ENTPD3: variants seen among roughly 807,000 people sequenced by gnomAD.
ENTPD3 encodes the protein CD39 antigen-like 3.
A neutral mutation model predicts 51.2 loss-of-function variants in ENTPD3; 60 were observed. The ratio of observed to expected loss-of-function variants is 1.17; its 90% CI spans 0.95 to 1.45. The LOEUF (loss-of-function observed/expected upper bound fraction) is 1.45, where lower values mean the gene tolerates loss of function less well. Ranked by LOEUF, ENTPD3 falls within the 40% of genes most tolerant of loss-of-function variation. ENTPD3 has a pLI of 0.00. For synonymous variants in ENTPD3, 221 were observed against 238.4 expected (o/e 0.93, Z 0.67); for missense variants, 593 against 641.1 (o/e 0.93, Z 0.81).
chr3:40,426,140 G>A (rs1325007838), intron 10 of ENTPD3, among the ~76,000 whole-genome samples: 1 of 123,836 alleles, frequency 8.1e-6, no homozygotes, highest in Non-Finnish European at 1.6e-5. Context: ...ACGGAGTCTC[G>A]CTCTGTCGCC....
rs768008793 is a variant in ENTPD3, at chr3:40,392,124, C to T, written c.142C>T (p.Gln48Ter). ...VSITVIQIHK[Q>*]EVLPPGLKYG... ...TATCACTGTCATCCAGATCCACAAG[C>T]AAGAGGTCCTCCCTCCAGGACTGAA... is the stretch of plus-strand genomic sequence containing the variant. The change falls in exon 3 of 11, where the codon CAA becomes TAA. Residue 48 changes from glutamine (Q) to a stop codon, truncating the protein, a stop_gained. Coordinates refer to ENST00000301825, the MANE Select transcript of ENTPD3 (RefSeq NM_001248.4). LOFTEE classifies it high-confidence loss of function. The T allele has an allele frequency of 6.2e-7, 1 of 1,614,036 alleles. No individual in the cohort carries two copies. Among genetic ancestry groups the T allele is most frequent in the South Asian group, 1.1e-5 (1 of 91,068 alleles).
intron 3 of ENTPD3, among the ~76,000 whole-genome samples, chr3:40,395,933 T>C (rs910413418): frequency 1.3e-5 from 2 of 152,304 alleles, no homozygotes; most frequent in South Asian, 2.1e-4. Flanking sequence ...GGCAAATAGC[T>C]TCCCATAGTT....
At chr3:40,416,734 C>T (rs913019231) in intron 7 of ENTPD3, among the ~76,000 whole-genome samples, 1 of 152,266 alleles carries the variant, frequency 6.6e-6, no homozygotes, top group South Asian at 2.1e-4. Context: ...GACCCAAACA[C>T]CAGTGCTCAG....
intron 4 of ENTPD3, among the ~76,000 whole-genome samples, chr3:40,404,760 A>C (rs1955452925): frequency 6.6e-6 from 1 of 152,116 alleles, no homozygotes; most frequent in Non-Finnish European, 1.5e-5. Context: ...TCCAAGGATA[A>C]TTTGGGTTTC....
At chr3:40,422,792 A>G in intron 7 of ENTPD3, 58 bp from the exon 8 acceptor site, 1 of 1,481,258 alleles carries the variant, frequency 6.8e-7, no homozygotes, top group South Asian at 1.3e-5. Context: ...AGTCTTTGCT[A>G]TTGTGAATAG....
chr3:40,399,789 T>G (rs1037516), intron 3 of ENTPD3, among the ~76,000 whole-genome samples: 17,560 of 152,140 alleles, frequency 0.12, 2,621 homozygotes, highest in African/African-American at 0.34. Flanking sequence ...GACAAATTGG[T>G]CCAGGACTCT....
At position 40,387,211 on chromosome 3, in the gene ENTPD3, G is replaced by C. The variant is rs769256486; in HGVS notation, c.-63G>C. The C allele has an allele frequency of 4.6e-5, 7 of 152,370 alleles. No individual in the cohort carries two copies. Among genetic ancestry groups the C allele is most frequent in the Non-Finnish European group, 1.0e-4 (7 of 68,166 alleles). The allele number at this position is 152,370 out of a possible 1,614,324, so 9.4% of individuals were successfully genotyped here. ...TGACACCTCCTTAGCGCTGGCCGCG[G>C]GCCGCCTCTGCGGCAGCGCTAGTCG... On this transcript the variant is annotated 5_prime_UTR_variant, in exon 1 of 11. Coordinates refer to ENST00000301825, the MANE Select transcript of ENTPD3 (RefSeq NM_001248.4).
intron 10 of ENTPD3, among the ~76,000 whole-genome samples, chr3:40,426,962 C>T: frequency 6.6e-6 from 1 of 152,194 alleles, no homozygotes; most frequent in Non-Finnish European, 1.5e-5. Flanking sequence ...CTTTCTCTAG[C>T]CACAAACACT....
Position 40,422,880 on chromosome 3 carries a change from C to T in ENTPD3, c.862C>T (p.Pro288Ser), listed in dbSNP as rs1364591579. 6.2e-7 allele frequency: 1 copy of T among 1,613,456 alleles called. No individual in the cohort carries two copies. Among genetic ancestry groups the T allele is most frequent in the East Asian group, 2.2e-5 (1 of 44,862 alleles). ...NSPTKNHLTN[P>S]CYPRDYSISF... ...TCCTACCAAAAACCATCTCACCAAT[C>T]CCTGTTACCCTCGGGATTATAGCAT... Residue 288 changes from proline (P) to serine (S), a missense_variant, in exon 8 of 11, where the codon CCC (proline) becomes TCC (serine). By Grantham distance (74) the Pro-to-Ser change is moderately conservative. Transcript: ENST00000301825.
chr3:40,401,109 C>A, intron 4 of ENTPD3, 98 bp downstream of exon 4: 1 of 871,978 alleles, frequency 1.1e-6, no homozygotes, highest in Non-Finnish European at 1.9e-6. Context: ...TGCTTGGAGG[C>A]AGGGAATGAG....
At chr3:40,398,947 G>A (rs896428363) in intron 3 of ENTPD3, among the ~76,000 whole-genome samples, 12 of 152,256 alleles carry the variant, frequency 7.9e-5, no homozygotes, top group Admixed American at 6.5e-4. Context: ...GGCCAGATGC[G>A]GTAGCTCATC....
At chr3:40,395,654 C>T (rs966198238) in intron 3 of ENTPD3, among the ~76,000 whole-genome samples, 1 of 152,174 alleles carries the variant, frequency 6.6e-6, no homozygotes, top group African/African-American at 2.4e-5. Flanking sequence ...CCAGATATCC[C>T]AGTCAAGGGC....
intron 7 of ENTPD3, among the ~76,000 whole-genome samples, chr3:40,419,747 A>C (rs912343700): frequency 2.0e-4 from 30 of 152,028 alleles, no homozygotes; most frequent in African/African-American, 7.0e-4. Flanking sequence ...CTTTGTGTAT[A>C]TTTTTTAAGC....
chr3:40,401,097 G>A, intron 4 of ENTPD3, 86 bp downstream of exon 4: 1 of 958,912 alleles, frequency 1.0e-6, no homozygotes, highest in Non-Finnish European at 1.7e-6. Flanking sequence ...GTCCTGAGAT[G>A]TTGCTTGGAG....
chr3:40,415,761 G>C, intron 6 of ENTPD3, 79 bp from the exon 7 acceptor site: 2 of 1,108,452 alleles, frequency 1.8e-6, no homozygotes, highest in Non-Finnish European at 1.3e-6. Flanking sequence ...AATAGGAGAC[G>C]AGGCTTGGGT....
chr3:40,407,962 A>G (rs1263830903), intron 4 of ENTPD3, among the ~76,000 whole-genome samples: 2 of 152,180 alleles, frequency 1.3e-5, no homozygotes, highest in Admixed American at 1.3e-4. Context: ...ATCTGATCAC[A>G]TTTCTAGAAA....
intron 7 of ENTPD3, among the ~76,000 whole-genome samples, chr3:40,417,095 C>T (rs552411834): frequency 1.3e-5 from 2 of 152,030 alleles, no homozygotes; most frequent in Non-Finnish European, 1.5e-5. Context: ...CCAAACATCT[C>T]CCCAATCCTC....
At chr3:40,420,595 T>C (rs1955847366) in intron 7 of ENTPD3, among the ~76,000 whole-genome samples, 1 of 152,144 alleles carries the variant, frequency 6.6e-6, no homozygotes, top group Non-Finnish European at 1.5e-5. Flanking sequence ...TGATATGCTA[T>C]AGATTATATG....
chr3:40,400,970 A>C lies in ENTPD3; in HGVS notation c.245A>C (p.Asn82Thr). 1.2e-6 allele frequency: 2 copies of C among 1,614,126 alleles called. No homozygotes were observed. Among genetic ancestry groups the C allele is most frequent in the South Asian group, 2.2e-5 (2 of 91,072 alleles). The part of the protein sequence containing the change: ...VYQWPAEKEN[N>T]TGVVSQTFKC... ...CAATGGCCAGCAGAAAAAGAGAATA[A>C]TACCGGAGTGGTCAGTCAAACCTTC... Residue 82 changes from asparagine (N) to threonine (T), a missense_variant, in exon 4 of 11, where the codon AAT (asparagine) becomes ACT (threonine). By Grantham distance (65) the Asn-to-Thr change is moderately conservative. Transcript: ENST00000301825.
Sources: allele counts gnomAD v4.1 joint callset (sites outside exome capture counted in the v4.1 genomes callset), GRCh38; gene constraint gnomAD v4.1.1; transcripts MANE v1.5; gene names NCBI Gene and HGNC (gene_info 2026-07-23, HGNC 2026-07-21).